The following MRAP variants were observed in gnomAD, a reference collection of about 807,000 sequenced individuals.
MRAP encodes melanocortin 2 receptor accessory protein.
In MRAP, 8 loss-of-function variants were observed where a neutral mutation model predicts 8.7. That is an observed-to-expected ratio of 0.92 (90% CI 0.54 to 1.66). MRAP has a LOEUF of 1.66. Ranked by LOEUF, MRAP falls within the 40% of genes most tolerant of loss-of-function variation. MRAP has a pLI of 0.00. For missense variants in MRAP, 237 were observed against 217.1 expected, an observed-to-expected ratio of 1.09 and a Z score of -0.58; for synonymous variants, 95 against 95.5, an observed-to-expected ratio of 1.00 and a Z score of 0.03.
chr21:32,295,121 T>C (rs993078340), upstream of MRAP, among the ~76,000 whole-genome samples: 1 of 151,710 alleles, frequency 6.6e-6, no homozygotes, highest in Non-Finnish European at 1.5e-5. Context: ...AATTCTTGCC[T>C]CCTCAGAAGG....
chr21:32,309,848 C>T (rs550104622), intron 2 of MRAP, among the ~76,000 whole-genome samples: 1 of 151,868 alleles, frequency 6.6e-6, no homozygotes, highest in Admixed American at 6.5e-5. Context: ...GAGGCTGAGG[C>T]AAGAGAATCG....
chr21:32,304,000 A>G (rs1011938979), intron 1 of MRAP, among the ~76,000 whole-genome samples: 2 of 152,188 alleles, frequency 1.3e-5, no homozygotes, highest in African/African-American at 2.4e-5. Flanking sequence ...GGGGATGACG[A>G]TAAGGACTCA....
intron 1 of MRAP, among the ~76,000 whole-genome samples, chr21:32,300,199 C>A (rs1008513864): frequency 6.6e-6 from 1 of 152,146 alleles, no homozygotes; most frequent in African/African-American, 2.4e-5. Flanking sequence ...CCAGCCTGGG[C>A]AACACAGTGA....
At chr21:32,301,052 TATATC>T (rs1428305493) in intron 1 of MRAP, among the ~76,000 whole-genome samples, 7 of 151,808 alleles carry the variant, frequency 4.6e-5, no homozygotes, top group Admixed American at 2.6e-4. Flanking sequence ...TCATATGATA[TATATC>T]ATATCATATA....
At chr21:32,311,588 G>A in intron 2 of MRAP, 96 bp from the exon 3 acceptor site, 2 of 1,527,000 alleles carry the variant, frequency 1.3e-6, no homozygotes, top group South Asian at 2.6e-5. Context: ...TGGGGTCCGG[G>A]CAGATGGCAG....
intron 1 of MRAP, 98 bp downstream of exon 1, chr21:32,299,175 C>G: frequency 1.2e-6 from 1 of 850,206 alleles, no homozygotes; most frequent in Non-Finnish European, 2.0e-6. Flanking sequence ...TTATTAACTC[C>G]GGTAGACATC....
Position 32,311,965 on chromosome 21 carries a change from C to G in MRAP, c.488C>G (p.Pro163Arg). The change falls in exon 3 of 3, where the codon CCT becomes CGT. Residue 163 changes from proline to arginine, a missense_variant. By Grantham distance (103) the Pro-to-Arg change is moderately radical (BLOSUM62 -2). Transcript: ENST00000303645. ...AGGAGCAAGCCCAGCGAGCCTCCCCCTGGAGACAGGACCTCTCAATTGCAG... is the reference window on the plus strand; with the variant it reads ...AGGAGCAAGCCCAGCGAGCCTCCCCGTGGAGACAGGACCTCTCAATTGCAG... ...LVRSKPSEPP[P>R]GDRTSQLQS 1 of 1,613,494 alleles carries G rather than the reference C, an allele frequency of 6.2e-7. No individual in the cohort carries two copies. The highest frequency in any genetic ancestry group is 2.2e-5 in the East Asian group (1 of 44,882).
chr21:32,310,082 G>GA (rs2032521083), intron 2 of MRAP, among the ~76,000 whole-genome samples: 3 of 152,088 alleles, frequency 2.0e-5, no homozygotes, highest in African/African-American at 7.2e-5. Context: ...GCCAGGGAAG[G>GA]TGCAAAGATC....
chr21:32,306,663 G>T lies in MRAP; in HGVS notation c.130G>T (p.Val44Leu). Reference sequence around the variant, plus strand: ...AGATTCCATCGTGATCGCATTCTGGGTGAGCCTGGCTGCCTTCGTGGTGCT... The same window carrying T: ...AGATTCCATCGTGATCGCATTCTGGTTGAGCCTGGCTGCCTTCGTGGTGCT... ...HKHSIVIAFWVSLAAFVVLLF... is the reference protein window; with the variant it reads ...HKHSIVIAFWLSLAAFVVLLF... Residue 44 changes from valine (V) to leucine (L), a missense_variant, in exon 2 of 3, where the codon GTG becomes TTG. Val to Leu is a conservative substitution (Grantham distance 32). Coordinates refer to ENST00000303645, the MANE Select transcript of MRAP (RefSeq NM_001379228.1). 1.9e-6 allele frequency: 3 copies of T among 1,614,108 alleles called. No homozygotes were observed. The highest frequency in any genetic ancestry group is 2.5e-6 in the Non-Finnish European group (3 of 1,180,016).
chr21:32,299,901 G>C (rs1056166962), intron 1 of MRAP, among the ~76,000 whole-genome samples: 1 of 152,124 alleles, frequency 6.6e-6, no homozygotes, highest in Non-Finnish European at 1.5e-5. Flanking sequence ...TGGCTAACGT[G>C]GCATGTGTGG....
chr21:32,314,271 A>G (rs955225560), downstream of MRAP: 10 of 376,458 alleles, frequency 2.7e-5, no homozygotes, highest in Non-Finnish European at 4.6e-5. Context: ...TGTAGCCTCC[A>G]CCTCCCAGGT....
chr21:32,298,911 C>A lies in MRAP; in HGVS notation c.-61C>A. 1 of 1,221,486 alleles carries A rather than the reference C, an allele frequency of 8.2e-7. No homozygotes were observed. Among genetic ancestry groups the A allele is most frequent in the Non-Finnish European group, 1.2e-6 (1 of 827,802 alleles). The allele number at this position is 1,221,486 out of a possible 1,614,324, so 75.7% of individuals were successfully genotyped here. On this transcript the variant is annotated 5_prime_UTR_variant, in exon 1 of 3. Coordinates refer to ENST00000303645, the MANE Select transcript of MRAP (RefSeq NM_001379228.1). ...CAGTGAGGCAGTCTCCTCCCAGGGG[C>A]TTGGCGCCTGGCTCGAGGCGAGGCT...
chr21:32,310,643 CT>C (rs1013091938), intron 2 of MRAP, among the ~76,000 whole-genome samples: 3 of 147,898 alleles, frequency 2.0e-5, no homozygotes, highest in East Asian at 2.0e-4. Context: ...GGACACATTT[CT>C]TTTTTTTTTC....
intron 1 of MRAP, among the ~76,000 whole-genome samples, chr21:32,306,032 CCCTGAGATGAGACTT>C (rs2032406839): frequency 6.6e-6 from 1 of 152,174 alleles, no homozygotes; most frequent in South Asian, 2.1e-4. Context: ...CTGCCACAGC[CCCTGAGATGAGACTT>C]CCTGCCTGAG....
In MRAP at chr21:32,305,796, C is replaced by T. The variant is rs111852927; in HGVS notation, c.107-844C>T. Among the ~76,000 whole-genome samples, 1,359 of 150,758 alleles carry T rather than the reference C, an allele frequency of 9.0e-3. 18 individuals are homozygous for T. Among genetic ancestry groups the T allele is most frequent in the African/African-American group, 0.031 (1,246 of 40,184 alleles). ...AATTACGAGCCGGATTGCCCACAGC[C>T]ACAGACAACCACCAAGAAAAACTGT... is the stretch of plus-strand genomic sequence containing the variant. On this transcript the variant is annotated intron_variant, in intron 1 of 2. Transcript: ENST00000303645.
rs1167115925 is a variant in MRAP at position 32,301,604 on chromosome 21, C to T, written c.106+2527C>T. Among the ~76,000 whole-genome samples, 2 of 152,200 alleles carry T rather than the reference C, an allele frequency of 1.3e-5. 1 individual carries two copies. Among genetic ancestry groups the T allele is most frequent in the East Asian group, 3.8e-4 (2 of 5,200 alleles). On this transcript the variant is annotated intron_variant, in intron 1 of 2. Transcript: ENST00000303645. The stretch of plus-strand genomic sequence containing the variant: ...GCTTAGAAGAAAATCAATCTTACAG[C>T]AGCAATACAGATTATTCTAACATAG...
chr21:32,302,810 A>G (rs1771945626), intron 1 of MRAP, among the ~76,000 whole-genome samples: 2 of 152,172 alleles, frequency 1.3e-5, no homozygotes, highest in Admixed American at 1.3e-4. Context: ...GGCTCCACTC[A>G]TATCTCATTG....
intron 1 of MRAP, among the ~76,000 whole-genome samples, chr21:32,302,847 G>A (rs1026142248): frequency 6.6e-6 from 1 of 152,196 alleles, no homozygotes; most frequent in Non-Finnish European, 1.5e-5. Flanking sequence ...ATTGTTCTCT[G>A]AAAAGGAGGC....
chr21:32,303,048 C>T (rs1190918098), intron 1 of MRAP, among the ~76,000 whole-genome samples: 3 of 144,934 alleles, frequency 2.1e-5, no homozygotes, highest in Non-Finnish European at 3.0e-5. Context: ...GACTCAATCT[C>T]GGCTCACTGC....
Sources: allele counts gnomAD v4.1 joint callset (sites outside exome capture counted in the v4.1 genomes callset), GRCh38; gene constraint gnomAD v4.1.1; transcripts MANE v1.5; gene names NCBI Gene and HGNC (gene_info 2026-07-23, HGNC 2026-07-21).